Variants in CASP1 observed in about 807,000 individuals in gnomAD.
CASP1 encodes the protein caspase 1.
In CASP1, 31 loss-of-function variants were observed where a neutral mutation model predicts 41.2. That is an observed-to-expected ratio of 0.75 (90% CI 0.57 to 1.02). The LOEUF (loss-of-function observed/expected upper bound fraction) is 1.02. CASP1 is among the 50% of genes least tolerant of loss of function. The pLI is 0.00. For synonymous variants in CASP1, 163 were observed against 166.5 expected, an observed-to-expected ratio of 0.98 and a Z score of 0.16; for missense variants, 490 against 495.7, an observed-to-expected ratio of 0.99 and a Z score of 0.11.
rs3737531 is a variant in CASP1 at position 105,029,242 on chromosome 11, T to G, written c.888A>C (p.Lys296Asn). 17 of 1,613,134 alleles carry G rather than the reference T, an allele frequency of 1.1e-5. No individual in the cohort carries two copies. Among genetic ancestry groups the G allele is most frequent in the Non-Finnish European group, 1.4e-5 (16 of 1,179,512 alleles). Residue 296 changes from lysine to asparagine, a missense_variant, in exon 7 of 9, where the codon AAA (lysine) becomes AAC (asparagine). Physicochemically the swap from Lys to Asn is moderately conservative, Grantham distance 94. Transcript: ENST00000533400. Reference sequence around the variant, plus strand: ...GGTTTCCAGAAACTCCTACTGAATCTTTAAACCACACCACACCAGGGCTGT... The same window carrying G: ...GGTTTCCAGAAACTCCTACTGAATCGTTAAACCACACCACACCAGGGCTGT... ...RGDSPGVVWF[K>N]DSVGVSGNLS...
At chr11:105,032,966 G>T in intron 3 of CASP1, 98 bp downstream of exon 3, 1 of 735,146 alleles carries the variant, frequency 1.4e-6, no homozygotes. Context: ...CAATCTATGA[G>T]AATTCTCCAT....
chr11:105,025,519 CT>C lies in CASP1; in HGVS notation c.*738del, dbSNP rs1295459404. 1 of 414,570 alleles carries C rather than the reference CT, an allele frequency of 2.4e-6. No individual in the cohort carries two copies. The highest frequency in any genetic ancestry group is 4.7e-6 in the Non-Finnish European group (1 of 214,870). 25.7% of individuals were successfully genotyped at this position (414,570 alleles called of 1,614,324 possible). A position where few individuals can be genotyped will look rare whatever the true frequency, so the allele number is the denominator to read the frequency against. On this transcript the variant is annotated 3_prime_UTR_variant, in exon 9 of 9. Coordinates refer to ENST00000533400, the MANE Select transcript of CASP1 (RefSeq NM_001257118.3). The stretch of plus-strand genomic sequence containing the variant: ...AAAATGAGGACAAGTTTTCATTTTT[CT>C]ACCAGATTTATTATTTCAAAAAAGT...
At chr11:105,031,136 A>T (rs1863666432) in intron 4 of CASP1, 29 bp downstream of exon 4, 2 of 1,296,402 alleles carry the variant, frequency 1.5e-6, no homozygotes, top group East Asian at 4.6e-5. Flanking sequence ...CTTTCACCCC[A>T]CTCTATCCTT....
chr11:105,032,971 C>T, intron 3 of CASP1, 93 bp downstream of exon 3: 1 of 757,518 alleles, frequency 1.3e-6, no homozygotes, highest in Non-Finnish European at 2.3e-6. Context: ...TATGAGAATT[C>T]TCCATAGCCC....
In CASP1 at chr11:105,029,159, T is replaced by C. The variant is rs1477558989; in HGVS notation, c.971A>G (p.Glu324Gly). The change falls in exon 7 of 9, where the codon GAG (glutamate) becomes GGG (glycine). Residue 324 changes from glutamate to glycine, a missense_variant. Glu to Gly is a moderately conservative substitution (Grantham distance 98). Transcript: ENST00000533400. ...AGAGCAGAAAGCGATAAAATCCTTC[T>C]CTATGTGGGCTTTCTTAATAGCATC... The part of the protein sequence containing the change: ...EDDAIKKAHI[E>G]KDFIAFCSST... The C allele has an allele frequency of 1.9e-6, 3 of 1,613,296 alleles. No homozygotes were observed. The South Asian group carries it at 3.3e-5, about 18-fold the overall frequency.
rs1183353306 is a variant in CASP1 at position 105,034,482 on chromosome 11, G to A, written c.8-8C>T. The A allele has an allele frequency of 6.2e-7, 1 of 1,613,438 alleles. No individual in the cohort carries two copies. The highest frequency in any genetic ancestry group is 1.7e-5 in the Admixed American group (1 of 59,960). ...TCTCCTTCAGGACCTTGTCTGTTTA[G>A]AGCACAAGGATTTCTCACATCATGA... On this transcript the variant is annotated splice_polypyrimidine_tract_variant and splice_region_variant and intron_variant, in intron 1 of 8. Transcript: ENST00000533400.
chr11:105,028,989 A>C, intron 7 of CASP1, 135 bp downstream of exon 7: 1 of 746,988 alleles, frequency 1.3e-6, no homozygotes, highest in Non-Finnish European at 2.2e-6. Flanking sequence ...GCTCTCTTGG[A>C]TAAAGGGAAT....
intron 7 of CASP1, among the ~76,000 whole-genome samples, chr11:105,027,466 T>C (rs1373652048): frequency 1.3e-5 from 2 of 151,640 alleles, no homozygotes; most frequent in Non-Finnish European, 2.9e-5. Context: ...ATAAGCACAG[T>C]ATATTGGAGG....
intron 2 of CASP1, 37 bp downstream of exon 2, chr11:105,034,171 C>T (rs775283848): frequency 6.2e-6 from 10 of 1,613,552 alleles, no homozygotes; most frequent in Middle Eastern, 1.6e-4. Flanking sequence ...CGAAGACAGG[C>T]CCTAGGTGAA....
chr11:105,035,127 T>G lies in CASP1; in HGVS notation c.-14A>C. 1 of 1,613,948 alleles carries G rather than the reference T, an allele frequency of 6.2e-7. No homozygotes were observed. Among genetic ancestry groups the G allele is most frequent in the Non-Finnish European group, 8.5e-7 (1 of 1,179,912 alleles). On this transcript the variant is annotated 5_prime_UTR_variant, in exon 1 of 9. Coordinates refer to ENST00000533400, the MANE Select transcript of CASP1 (RefSeq NM_001257118.3). ...CTCACCGGCCATGGCTTTTCTCTCC[T>G]CCCTTCTTGTGTGACTGAAACTGAA...
At chr11:105,030,713 G>A (rs1353381671) in intron 4 of CASP1, 8 of 486,618 alleles carry the variant, frequency 1.6e-5, no homozygotes, top group Admixed American at 3.8e-5. Context: ...TTCTGACTTC[G>A]TTGTTCTTGA....
rs1446450161 is a variant in CASP1, at chr11:105,025,616, ATAAT to A, written c.*638_*641del. On this transcript the variant is annotated 3_prime_UTR_variant, in exon 9 of 9. Coordinates refer to ENST00000533400, the MANE Select transcript of CASP1 (RefSeq NM_001257118.3). Reference sequence around the variant, plus strand: ...TCTTCACTTCCTATGAGAAAAAGAAATAATTAAAAAAAAAAACATAGGAAAGAAT... The same window carrying A: ...TCTTCACTTCCTATGAGAAAAAGAAATAAAAAAAAAAACATAGGAAAGAAT... 5.0e-6 allele frequency: 2 copies of A among 399,204 alleles called. No homozygotes were observed. Among genetic ancestry groups the A allele is most frequent in the South Asian group, 1.9e-5 (1 of 53,242 alleles). The allele number at this position is 399,204 out of a possible 1,614,324, so 24.7% of individuals were successfully genotyped here.
At chr11:105,033,853 C>G (rs777099096) in intron 2 of CASP1, 19 of 596,758 alleles carry the variant, frequency 3.2e-5, no homozygotes, top group Non-Finnish European at 5.8e-5. Flanking sequence ...ACATAAGTGC[C>G]TACAGACCCC....
upstream of CASP1, chr11:105,035,330 G>C: frequency 1.7e-6 from 1 of 599,952 alleles, no homozygotes; most frequent in East Asian, 2.8e-5. Flanking sequence ...CAGGGTAGGA[G>C]GGGAATGGGG....
At chr11:105,034,081 C>T in intron 2 of CASP1, 127 bp downstream of exon 2, 1 of 1,505,396 alleles carries the variant, frequency 6.6e-7, no homozygotes, top group Non-Finnish European at 9.2e-7. Context: ...GACCCTGCTA[C>T]AGAAATATGG....
intron 7 of CASP1, among the ~76,000 whole-genome samples, chr11:105,028,903 G>A (rs538788606): frequency 2.4e-4 from 37 of 152,132 alleles, no homozygotes; most frequent in African/African-American, 6.3e-4. Context: ...CTCTGCTATC[G>A]CTCAAAGTTC....
upstream of CASP1, chr11:105,035,181 G>A (rs45541843): frequency 6.6e-3 from 10,552 of 1,595,198 alleles, 49 homozygotes; most frequent in South Asian, 0.011. Flanking sequence ...TTTTGGCAGG[G>A]CCTGTACATG....
upstream of CASP1, chr11:105,035,222 G>A: frequency 7.3e-7 from 1 of 1,377,306 alleles, no homozygotes; most frequent in Non-Finnish European, 1.0e-6. Flanking sequence ...GCATGCATAT[G>A]CATGTCTTTA....
chr11:105,029,914 A>G lies in CASP1; in HGVS notation c.628-15T>C, dbSNP rs767853360. 4 of 1,565,560 alleles carry G rather than the reference A, an allele frequency of 2.6e-6. No homozygotes were observed. The South Asian group carries it at 3.3e-5, about 13-fold the overall frequency. ...GTAGTCATGTCCTGAAAGACACCAT[A>G]TCACTGATTTTCGACTATGTAATTA... On this transcript the variant is annotated splice_polypyrimidine_tract_variant and intron_variant, in intron 5 of 8. Coordinates refer to ENST00000533400, the MANE Select transcript of CASP1 (RefSeq NM_001257118.3).
Sources: gnomAD v4.1 joint callset for allele counts (sites outside exome capture counted in the v4.1 genomes callset) on GRCh38, gnomAD v4.1.1 for gene constraint, MANE v1.5 for transcripts, NCBI Gene and HGNC (gene_info 2026-07-23, HGNC 2026-07-21) for gene names.